Variants in MICAL2 observed in about 807,000 individuals in gnomAD.
MICAL2 encodes microtubule associated monooxygenase, calponin and LIM domain containing 2, also known as [F-actin]-monooxygenase MICAL2.
A neutral mutation model predicts 127.3 loss-of-function variants in MICAL2; 77 were observed. That is an observed-to-expected ratio of 0.60 (90% CI 0.50 to 0.73). The LOEUF is 0.73. MICAL2 is among the 30% of genes least tolerant of loss of function. The probability of loss-of-function intolerance (pLI) is 0.00; values close to 1 mark genes in which losing one functional copy is unlikely to be tolerated. For synonymous variants in MICAL2, 570 were observed against 551.1 expected (o/e 1.03, Z -0.48); for missense variants, 1,351 against 1,434.4 (o/e 0.94, Z 0.94).
chr11:12,216,067 T>G, intron 7 of MICAL2, 152 bp from the exon 8 acceptor site: 1 of 619,430 alleles, frequency 1.6e-6, no homozygotes, highest in Non-Finnish European at 2.9e-6. Context: ...CACTCTGTTT[T>G]ATCTTTGCCA....
rs746198020 is a variant in MICAL2 at position 12,239,419 on chromosome 11, C to T, written c.2065-17C>T. 1.2e-5 allele frequency: 20 copies of T among 1,613,584 alleles called. No homozygotes were observed. Among genetic ancestry groups the T allele is most frequent in the South Asian group, 3.3e-5 (3 of 91,044 alleles). The stretch of plus-strand genomic sequence containing the variant: ...TTCCAGGATCCAACCATCAGTGTCC[C>T]GTTTCAACCTTTGCAGCCTTCAAAC... On this transcript the variant is annotated splice_polypyrimidine_tract_variant and intron_variant, in intron 16 of 27. Transcript: ENST00000683283.
At chr11:12,247,397 C>T (rs897682142) in intron 21 of MICAL2, among the ~76,000 whole-genome samples, 1 of 152,188 alleles carries the variant, frequency 6.6e-6, no homozygotes, top group South Asian at 2.1e-4. Context: ...TGGGCTATTT[C>T]GACAGCTTCC....
intron 3 of MICAL2, among the ~76,000 whole-genome samples, chr11:12,183,146 AT>A (rs1455830462): frequency 1.3e-5 from 2 of 149,406 alleles, no homozygotes; most frequent in African/African-American, 4.9e-5. Context: ...TAATGCCTTC[AT>A]GAAACCATAT....
At chr11:12,320,836 AAGAG>A (rs1468458331) in intron 30 of MICAL2, among the ~76,000 whole-genome samples, 3 of 151,852 alleles carry the variant, frequency 2.0e-5, no homozygotes, top group Admixed American at 6.6e-5. Context: ...AGGGAGGGAG[AAGAG>A]AGAGAGACAG....
chr11:12,294,000 T>C (rs1467900549), downstream of MICAL2: 9 of 1,614,078 alleles, frequency 5.6e-6, no homozygotes, highest in Non-Finnish European at 5.9e-6. Context: ...CAGAAGACCA[T>C]GTTGTTGGAT....
intron 20 of MICAL2, 86 bp from the exon 21 acceptor site, chr11:12,243,901 A>G: frequency 6.6e-7 from 1 of 1,509,178 alleles, no homozygotes; most frequent in Non-Finnish European, 9.2e-7. Flanking sequence ...TTGAGTGCAC[A>G]GGCATGGGAC....
At chr11:12,168,992 AAAGAC>A (rs1177847545) in intron 3 of MICAL2, among the ~76,000 whole-genome samples, 11 of 151,874 alleles carry the variant, frequency 7.2e-5, no homozygotes, top group Non-Finnish European at 1.2e-4. Flanking sequence ...AGAGAAAAAA[AAAGAC>A]AAGACAAGAC....
intron 29 of MICAL2, among the ~76,000 whole-genome samples, chr11:12,305,297 G>A (rs1590730498): frequency 6.6e-6 from 1 of 152,088 alleles, no homozygotes; most frequent in East Asian, 1.9e-4. Flanking sequence ...AAGCAAAGCG[G>A]GAAGACCCCC....
chr11:12,148,907 C>G (rs1180572421), intron 2 of MICAL2, among the ~76,000 whole-genome samples: 1 of 152,172 alleles, frequency 6.6e-6, no homozygotes, highest in African/African-American at 2.4e-5. Flanking sequence ...CCTGAAGTCA[C>G]CCAAGGGGTC....
Position 12,175,015 on chromosome 11 carries a change from T to G in MICAL2, c.264+12596T>G, listed in dbSNP as rs191335187. ...GAATGCACCTGTAGTCCCAGCTACT[T>G]GGGAGGCTGAGATGGGAGGATCGCT... On this transcript the variant is annotated intron_variant, in intron 3 of 27. Coordinates refer to ENST00000683283, the MANE Select transcript of MICAL2 (RefSeq NM_001282663.2). Among the ~76,000 whole-genome samples the G allele has an allele frequency of 5.0e-4, 76 of 151,848 alleles. 1 individual carries two copies. The highest frequency in any genetic ancestry group is 7.8e-4 in the Non-Finnish European group (53 of 67,940).
chr11:12,269,666 C>T (rs550004056), intron 24 of MICAL2, among the ~76,000 whole-genome samples: 1 of 152,140 alleles, frequency 6.6e-6, no homozygotes, highest in Non-Finnish European at 1.5e-5. Context: ...TGCTGAGGGC[C>T]GTGGGGAAGG....
At chr11:12,308,565 TTCC>T (rs1255965705) in intron 29 of MICAL2, among the ~76,000 whole-genome samples, 4 of 152,230 alleles carry the variant, frequency 2.6e-5, no homozygotes, top group African/African-American at 4.8e-5. Flanking sequence ...TTTTAAATTG[TTCC>T]TCATTAATAT....
chr11:12,249,145 A>G (rs990671749), intron 21 of MICAL2, 39 bp from the exon 22 acceptor site: 12 of 1,610,874 alleles, frequency 7.4e-6, no homozygotes, highest in Middle Eastern at 3.3e-4. Flanking sequence ...AAGAAAGCTT[A>G]TTTACCTAAA....
chr11:12,128,884 A>G (rs1000736286), intron 1 of MICAL2, among the ~76,000 whole-genome samples: 1 of 152,248 alleles, frequency 6.6e-6, no homozygotes, highest in Non-Finnish European at 1.5e-5. Context: ...TGAGAATATC[A>G]GAGAAGCTAT....
chr11:12,130,477 C>G (rs548235239), intron 1 of MICAL2, among the ~76,000 whole-genome samples: 2 of 152,318 alleles, frequency 1.3e-5, no homozygotes, highest in East Asian at 3.9e-4. Flanking sequence ...GGGACTAAAC[C>G]CAGGGCTCAA....
chr11:12,215,244 T>C (rs953155609), intron 7 of MICAL2, among the ~76,000 whole-genome samples: 13 of 152,202 alleles, frequency 8.5e-5, no homozygotes, highest in Admixed American at 7.9e-4. Context: ...GGCCATCGTT[T>C]CACAACAGTG....
intron 2 of MICAL2, among the ~76,000 whole-genome samples, chr11:12,140,267 A>G (rs569278808): frequency 6.6e-6 from 1 of 152,310 alleles, no homozygotes; most frequent in African/African-American, 2.4e-5. Flanking sequence ...CATCTTCATG[A>G]TCAAGCAGGT....
rs572195760 is a variant in MICAL2, at chr11:12,142,416, C to G, written c.-78+3956C>G. 6.6e-5 allele frequency among the ~76,000 whole-genome samples: 10 copies of G among 152,286 alleles called. No individual in the cohort carries two copies. In the East Asian group the frequency reaches 1.9e-3, roughly 29 times the overall value. On this transcript the variant is annotated intron_variant, in intron 2 of 27. Coordinates refer to ENST00000683283, the MANE Select transcript of MICAL2 (RefSeq NM_001282663.2). ...ATGGCCCAGCCTTAGCAGGAGTAGC[C>G]TCTTGTGAGTTTGCCATTCAAATCA...
intron 1 of MICAL2, among the ~76,000 whole-genome samples, chr11:12,130,434 G>A (rs1177162118): frequency 6.6e-6 from 1 of 152,200 alleles, no homozygotes; most frequent in Non-Finnish European, 1.5e-5. Flanking sequence ...CTCCCTGGGA[G>A]GCAAACAGGC....
Sources: gnomAD v4.1 joint callset for allele counts (sites outside exome capture counted in the v4.1 genomes callset) on GRCh38, gnomAD v4.1.1 for gene constraint, MANE v1.5 for transcripts, NCBI Gene and HGNC (gene_info 2026-07-23, HGNC 2026-07-21) for gene names.